Variants in CEP83 observed in about 807,000 individuals in gnomAD.
CEP83 encodes the protein centrosomal protein of 83 kDa.
A neutral mutation model predicts 101.9 loss-of-function variants in CEP83; 70 were observed. The ratio of observed to expected loss-of-function variants is 0.69; its 90% CI spans 0.57 to 0.84. The LOEUF (loss-of-function observed/expected upper bound fraction) is 0.84, where lower values mean the gene tolerates loss of function less well. Among genes scored for constraint, CEP83 ranks in the 40% least tolerant of loss-of-function variants. The pLI is 0.00. For missense variants in CEP83, 715 were observed against 787.2 expected (o/e 0.91, Z 1.10); for synonymous variants, 264 against 267.9 (o/e 0.99, Z 0.14).
intron 4 of CEP83, among the ~76,000 whole-genome samples, chr12:94,408,367 T>G (rs2063673501): frequency 6.6e-6 from 1 of 152,210 alleles, no homozygotes; most frequent in Non-Finnish European, 1.5e-5. Flanking sequence ...TATACTTTGA[T>G]CTGAGCTTCC....
At chr12:94,377,014 T>G (rs1189477186) in intron 7 of CEP83, among the ~76,000 whole-genome samples, 29 of 152,134 alleles carry the variant, frequency 1.9e-4, no homozygotes, top group Non-Finnish European at 5.9e-5. Flanking sequence ...CTGCTGGGAT[T>G]ACAGGCATAA....
rs148460617 is a variant in CEP83 at position 94,358,931 on chromosome 12, G to A, written c.1343+8863C>T. Among the ~76,000 whole-genome samples, 349 of 152,362 alleles carry A rather than the reference G, an allele frequency of 2.3e-3. 1 individual carries two copies. The highest frequency in any genetic ancestry group is 8.1e-3 in the African/African-American group (338 of 41,584). On this transcript the variant is annotated intron_variant, in intron 11 of 16. Coordinates refer to ENST00000397809, the MANE Select transcript of CEP83 (RefSeq NM_016122.3). Reference sequence around the variant, plus strand: ...ATGGCCATAAAGTCCAAGCTGGAAGGTTGTGAGTTTATGGGAATGAGGACA... The same window carrying A: ...ATGGCCATAAAGTCCAAGCTGGAAGATTGTGAGTTTATGGGAATGAGGACA...
intron 7 of CEP83, among the ~76,000 whole-genome samples, chr12:94,377,179 C>G (rs752893741): frequency 6.4e-4 from 98 of 152,254 alleles, no homozygotes; most frequent in Admixed American, 1.2e-3. Context: ...TTGAAAATAC[C>G]TAAGTCCATA....
upstream of CEP83, chr12:94,459,941 G>C (rs1021918869): frequency 6.6e-6 from 1 of 152,418 alleles, no homozygotes; most frequent in Non-Finnish European, 1.5e-5. Context: ...CTGGAGGAGC[G>C]GGCTCTGTCC....
chr12:94,411,603 T>C (rs951430481), intron 4 of CEP83, 94 bp downstream of exon 4: 34 of 812,778 alleles, frequency 4.2e-5, no homozygotes, highest in Non-Finnish European at 6.4e-5. Flanking sequence ...ATTAAGGATA[T>C]AGACAGAAAT....
At chr12:94,398,341 A>G (rs1374955461) in intron 6 of CEP83, among the ~76,000 whole-genome samples, 1 of 152,192 alleles carries the variant, frequency 6.6e-6, no homozygotes, top group East Asian at 1.9e-4. Flanking sequence ...GACTTTGAAC[A>G]ATTCATGTTG....
At chr12:94,347,805 A>G (rs2060009687) in intron 11 of CEP83, among the ~76,000 whole-genome samples, 1 of 152,218 alleles carries the variant, frequency 6.6e-6, no homozygotes, top group South Asian at 2.1e-4. Context: ...AAGGAGGTCA[A>G]CTATAAAGAG....
chr12:94,278,226 G>A, the CEP83 span: 41,509 of 360,342 alleles, frequency 0.12, 2,717 homozygotes, highest in Admixed American at 0.17. Flanking sequence ...TTAAATAATT[G>A]TGCATTTCAC....
chr12:94,324,072 CAGTTTGCTAATATTTA>C (rs768809686), intron 14 of CEP83, among the ~76,000 whole-genome samples: 1 of 152,130 alleles, frequency 6.6e-6, no homozygotes, highest in Non-Finnish European at 1.5e-5. Context: ...TCACTAAATT[CAGTTTGCTAATATTTA>C]AGATTTTTAC....
intron 13 of CEP83, among the ~76,000 whole-genome samples, chr12:94,333,117 T>C (rs575343588): frequency 6.7e-6 from 1 of 148,544 alleles, no homozygotes; most frequent in East Asian, 2.0e-4. Flanking sequence ...ATTCAAGGAA[T>C]TAAGTTTTGC....
intron 14 of CEP83, among the ~76,000 whole-genome samples, chr12:94,319,339 A>T (rs1188170254): frequency 6.6e-6 from 1 of 152,048 alleles, no homozygotes; most frequent in African/African-American, 2.4e-5. Flanking sequence ...AATTTTTTCA[A>T]AAACGCAACT....
chr12:94,372,928 A>T (rs1286500768), intron 8 of CEP83, among the ~76,000 whole-genome samples: 1 of 152,176 alleles, frequency 6.6e-6, no homozygotes, highest in Non-Finnish European at 1.5e-5. Context: ...GAACACTGTT[A>T]ATTTCCTAAA....
chr12:94,380,874 G>C (rs907132398), intron 6 of CEP83, among the ~76,000 whole-genome samples: 2 of 152,082 alleles, frequency 1.3e-5, no homozygotes, highest in Non-Finnish European at 2.9e-5. Flanking sequence ...CACGTTTTGG[G>C]AGGCATCTGT....
intron 1 of CEP83, among the ~76,000 whole-genome samples, chr12:94,455,115 G>A (rs570004293): frequency 1.3e-5 from 2 of 152,330 alleles, no homozygotes; most frequent in Middle Eastern, 3.4e-3. Flanking sequence ...GAACCCACCA[G>A]AATGAACCAA....
chr12:94,345,346 T>C (rs886539183), intron 11 of CEP83, among the ~76,000 whole-genome samples: 5 of 152,240 alleles, frequency 3.3e-5, no homozygotes, highest in African/African-American at 4.8e-5. Flanking sequence ...GTAACTTCCA[T>C]AGCCCTTGTC....
downstream of CEP83, among the ~76,000 whole-genome samples, chr12:94,304,594 T>TC (rs986641082): frequency 2.0e-5 from 3 of 151,816 alleles, no homozygotes; most frequent in African/African-American, 4.8e-5. Context: ...CTTCCCTGAT[T>TC]CCCCCCCAAT....
At chr12:94,444,078 G>A (rs1323548525) in intron 1 of CEP83, among the ~76,000 whole-genome samples, 3 of 152,138 alleles carry the variant, frequency 2.0e-5, no homozygotes, top group Non-Finnish European at 4.4e-5. Context: ...AACCAATTAT[G>A]CATGCGTTAT....
chr12:94,400,476 C>T lies in CEP83; in HGVS notation c.549+374G>A, dbSNP rs184057788. On this transcript the variant is annotated intron_variant, in intron 6 of 16. Coordinates refer to ENST00000397809, the MANE Select transcript of CEP83 (RefSeq NM_016122.3). ...CACAGGCTGACAGCTAGTGCTTTCCCATATGTGGTTTGGTTCCAAGAAGCA... is the reference window on the plus strand; with the variant it reads ...CACAGGCTGACAGCTAGTGCTTTCCTATATGTGGTTTGGTTCCAAGAAGCA... Among the ~76,000 whole-genome samples the T allele has an allele frequency of 2.1e-4, 32 of 152,236 alleles. No individual in the cohort carries two copies. In the East Asian group the frequency reaches 4.2e-3, roughly 20 times the overall value.
At chr12:94,427,083 A>G (rs2065258842) in intron 2 of CEP83, among the ~76,000 whole-genome samples, 1 of 152,240 alleles carries the variant, frequency 6.6e-6, no homozygotes, top group Non-Finnish European at 1.5e-5. Context: ...TACTTATAAA[A>G]AGGTTTATCA....
Sources: allele counts gnomAD v4.1 joint callset (sites outside exome capture counted in the v4.1 genomes callset), GRCh38; gene constraint gnomAD v4.1.1; transcripts MANE v1.5; gene names NCBI Gene and HGNC (gene_info 2026-07-23, HGNC 2026-07-21).